The following MGLL variants were observed in gnomAD, a reference collection of about 807,000 sequenced individuals.
The protein encoded by MGLL is lysophospholipase homolog.
Under a neutral mutation model 29.1 loss-of-function variants are expected in MGLL, and 7 were observed. The ratio of observed to expected loss-of-function variants is 0.24; its 90% CI spans 0.14 to 0.45. The LOEUF (loss-of-function observed/expected upper bound fraction) is 0.45. Among genes scored for constraint, MGLL ranks in the 20% least tolerant of loss-of-function variants. The pLI is 0.99. For missense variants in MGLL, 356 were observed against 413.6 expected, an observed-to-expected ratio of 0.86 and a Z score of 1.21; for synonymous variants, 148 against 168.3, an observed-to-expected ratio of 0.88 and a Z score of 0.93.
At chr3:127,775,811 C>T (rs1016948807) in intron 3 of MGLL, among the ~76,000 whole-genome samples, 1 of 152,208 alleles carries the variant, frequency 6.6e-6, no homozygotes, top group Non-Finnish European at 1.5e-5. Context: ...AGGGAGCAGG[C>T]CTGCGGGCAA....
intron 2 of MGLL, among the ~76,000 whole-genome samples, chr3:127,812,639 A>G (rs1238266837): frequency 6.6e-6 from 1 of 152,168 alleles, no homozygotes; most frequent in East Asian, 1.9e-4. Flanking sequence ...GGCAATCAAC[A>G]AGCCTGGCAC....
chr3:127,746,266 C>T (rs557276975), intron 3 of MGLL, among the ~76,000 whole-genome samples: 2 of 152,276 alleles, frequency 1.3e-5, no homozygotes, highest in Admixed American at 1.3e-4. Flanking sequence ...TCTAACATGG[C>T]AGCTCTGCAC....
rs776453290 is a variant in MGLL, at chr3:127,781,908, G to C, written c.156-13C>G. The C allele has an allele frequency of 6.2e-7, 1 of 1,613,474 alleles. No individual in the cohort carries two copies. The highest frequency in any genetic ancestry group is 1.7e-5 in the Admixed American group (1 of 60,020). On this transcript the variant is annotated splice_polypyrimidine_tract_variant and intron_variant, in intron 2 of 7. Coordinates refer to ENST00000265052, the MANE Select transcript of MGLL (RefSeq NM_007283.7). ...AAAGATGAGGGCCCTGCAGAGACAA[G>C]AAGGGAGCCTGGTTAGGAAAGCCCA...
intron 3 of MGLL, among the ~76,000 whole-genome samples, chr3:127,733,944 G>A (rs957916617): frequency 7.9e-5 from 12 of 152,342 alleles, no homozygotes; most frequent in African/African-American, 2.9e-4. Flanking sequence ...CAGGGCAGCC[G>A]AGCCCCTCCA....
intron 2 of MGLL, 21 bp downstream of exon 2, chr3:127,821,673 G>C: frequency 6.2e-7 from 1 of 1,613,748 alleles, no homozygotes; most frequent in East Asian, 2.2e-5. Context: ...CACCTGGGGT[G>C]ACTTTCTGGG....
chr3:127,730,620 T>C (rs566234572), intron 3 of MGLL, among the ~76,000 whole-genome samples: 329 of 152,092 alleles, frequency 2.2e-3, no homozygotes, highest in African/African-American at 7.3e-3. Context: ...GGCAGGGAGA[T>C]TGGAGAAGCT....
intron 2 of MGLL, among the ~76,000 whole-genome samples, chr3:127,791,650 G>C (rs929162846): frequency 1.3e-5 from 2 of 152,196 alleles, no homozygotes; most frequent in Non-Finnish European, 2.9e-5. Flanking sequence ...AACATGGGCT[G>C]TTTATCTCAG....
At chr3:127,714,809 A>C (rs1056042330) in intron 5 of MGLL, among the ~76,000 whole-genome samples, 1 of 152,192 alleles carries the variant, frequency 6.6e-6, no homozygotes, top group Admixed American at 6.5e-5. Flanking sequence ...AAACCCATGA[A>C]GGAGACTTCT....
intron 2 of MGLL, among the ~76,000 whole-genome samples, chr3:127,817,238 G>A (rs900437372): frequency 3.3e-5 from 5 of 152,250 alleles, no homozygotes; most frequent in African/African-American, 7.2e-5. Context: ...AAAGGAGGAG[G>A]CACTTACTGG....
intron 3 of MGLL, among the ~76,000 whole-genome samples, chr3:127,738,394 C>G (rs1357283349): frequency 6.6e-6 from 1 of 152,032 alleles, no homozygotes; most frequent in Non-Finnish European, 1.5e-5. Flanking sequence ...AACACAGGAG[C>G]AAGCCACGCC....
chr3:127,763,456 C>T (rs1170693642), intron 3 of MGLL, among the ~76,000 whole-genome samples: 1 of 152,224 alleles, frequency 6.6e-6, no homozygotes, highest in Non-Finnish European at 1.5e-5. Flanking sequence ...AGGCTCAAGG[C>T]CAGCTCTGAC....
At chr3:127,769,916 G>A (rs181809696) in intron 3 of MGLL, among the ~76,000 whole-genome samples, 43 of 152,260 alleles carry the variant, frequency 2.8e-4, no homozygotes, top group Non-Finnish European at 5.1e-4. Flanking sequence ...ACCGGCGCGC[G>A]CCATGGCTGC....
At chr3:127,716,222 C>T (rs1194197345) in intron 5 of MGLL, among the ~76,000 whole-genome samples, 1 of 152,258 alleles carries the variant, frequency 6.6e-6, no homozygotes. Context: ...GAAGCAGGCA[C>T]ATTTGGATTT....
chr3:127,792,078 C>T (rs547324204), intron 2 of MGLL, among the ~76,000 whole-genome samples: 3 of 152,202 alleles, frequency 2.0e-5, no homozygotes, highest in Admixed American at 6.5e-5. Context: ...AAAAAACAAA[C>T]GAACAAACAT....
At position 127,691,108 on chromosome 3, in the gene MGLL, C is replaced by T. The variant is rs1213137194; in HGVS notation, c.*1090G>A. 6.6e-6 allele frequency: 1 copy of T among 152,634 alleles called. No individual in the cohort carries two copies. Among genetic ancestry groups the T allele is most frequent in the Non-Finnish European group, 1.5e-5 (1 of 68,092 alleles). The allele number at this position is 152,634 out of a possible 1,614,324, so 9.5% of individuals were successfully genotyped here. ...GGTAGCTCTGGGCCATAGGCAGGCC[C>T]AGGCCCAGGCCTAGGGATCATAGCC... is the stretch of plus-strand genomic sequence containing the variant. On this transcript the variant is annotated 3_prime_UTR_variant, in exon 8 of 8. Transcript: ENST00000265052.
intron 3 of MGLL, among the ~76,000 whole-genome samples, chr3:127,773,302 C>G (rs999932988): frequency 4.6e-5 from 7 of 152,266 alleles, no homozygotes; most frequent in African/African-American, 1.7e-4. Flanking sequence ...AGTCTAGGCT[C>G]TGCCACGTAG....
chr3:127,722,838 G>T (rs983502335), intron 3 of MGLL, among the ~76,000 whole-genome samples: 1 of 152,196 alleles, frequency 6.6e-6, no homozygotes, highest in East Asian at 1.9e-4. Flanking sequence ...GGCTCCCTTG[G>T]GGGTGGTTTC....
chr3:127,736,977 G>A (rs2076253214), intron 3 of MGLL, among the ~76,000 whole-genome samples: 2 of 152,168 alleles, frequency 1.3e-5, no homozygotes, highest in Non-Finnish European at 2.9e-5. Context: ...TTACAGGCAT[G>A]AGCCACTGCG....
At chr3:127,760,227 C>T (rs1051996679) in intron 3 of MGLL, among the ~76,000 whole-genome samples, 7 of 152,214 alleles carry the variant, frequency 4.6e-5, no homozygotes, top group Non-Finnish European at 8.8e-5. Flanking sequence ...GCCTAACATA[C>T]AGATGGGAAA....
Sources: allele counts gnomAD v4.1 joint callset (sites outside exome capture counted in the v4.1 genomes callset), GRCh38; gene constraint gnomAD v4.1.1; transcripts MANE v1.5; gene names NCBI Gene and HGNC (gene_info 2026-07-23, HGNC 2026-07-21).